The following LNX1 variants were observed in gnomAD, a reference collection of about 807,000 sequenced individuals.
The protein encoded by LNX1 is ligand of numb-protein X 1.
In LNX1, 54 loss-of-function variants were observed where a neutral mutation model predicts 68.4. The observed-to-expected ratio is 0.79, with a 90% confidence interval of 0.63 to 0.99. The LOEUF is 0.99. LNX1 is among the 50% of genes least tolerant of loss of function. The pLI, the probability that LNX1 is intolerant of heterozygous loss-of-function variation, is 0.00. For missense variants in LNX1, 906 were observed against 926.4 expected (o/e 0.98, Z 0.29); for synonymous variants, 336 against 350.0 (o/e 0.96, Z 0.45).
intron 6 of LNX1, among the ~76,000 whole-genome samples, chr4:53,485,918 C>A (rs1448744139): frequency 6.6e-6 from 1 of 152,166 alleles, no homozygotes; most frequent in Non-Finnish European, 1.5e-5. Context: ...TTCCAGCAAG[C>A]AAGGAATAGC....
chr4:53,549,340 A>AT (rs1433340664), intron 2 of LNX1: 1 of 151,690 alleles, frequency 6.6e-6, no homozygotes, highest in African/African-American at 2.4e-5. Context: ...CCATTGTTCT[A>AT]TTTTTCTCTT....
intron 9 of LNX1, among the ~76,000 whole-genome samples, chr4:53,468,878 C>T (rs539591336): frequency 1.2e-4 from 18 of 152,286 alleles, no homozygotes; most frequent in African/African-American, 4.3e-4. Flanking sequence ...TAGACTCCCA[C>T]ACAATAATAA....
At chr4:53,648,598 T>C (rs1423962209) in intron 1 of LNX1, among the ~76,000 whole-genome samples, 1 of 152,200 alleles carries the variant, frequency 6.6e-6, no homozygotes, top group East Asian at 1.9e-4. Context: ...GCCCAGACAT[T>C]TTTTATTTTG....
chr4:53,460,403 T>TA lies in LNX1; in HGVS notation c.*503dup. On this transcript the variant is annotated 3_prime_UTR_variant, in exon 11 of 11. Coordinates refer to ENST00000263925, the MANE Select transcript of LNX1 (RefSeq NM_001126328.3). Reference sequence around the variant, plus strand: ...GAATAAATTACTAGGATCTTTTAAATAGTGATAATACAAAAGTAATCTTAA... The same window carrying TA: ...GAATAAATTACTAGGATCTTTTAAATAAGTGATAATACAAAAGTAATCTTAA... 1 of 189,082 alleles carries TA rather than the reference T, an allele frequency of 5.3e-6. No individual in the cohort carries two copies. The highest frequency in any genetic ancestry group is 1.9e-4 in the South Asian group (1 of 5,142). The allele number at this position is 189,082 out of a possible 1,614,324, so 11.7% of individuals were successfully genotyped here. A position where few individuals can be genotyped will look rare whatever the true frequency, so the allele number is the denominator to read the frequency against.
At position 53,491,622 on chromosome 4, in the gene LNX1, C is replaced by A. The variant is rs183442035; in HGVS notation, c.1350+4401G>T. 3.9e-5 allele frequency among the ~76,000 whole-genome samples: 6 copies of A among 152,052 alleles called. No individual in the cohort carries two copies. In the East Asian group the frequency reaches 1.2e-3, roughly 29 times the overall value. On this transcript the variant is annotated intron_variant, in intron 6 of 10. Coordinates refer to ENST00000263925, the MANE Select transcript of LNX1 (RefSeq NM_001126328.3). ...ATGGCACATGAAAGCAGATTTGGTGCTTCTTTGGTAAATGGTTTGATAACC... is the reference window on the plus strand; with the variant it reads ...ATGGCACATGAAAGCAGATTTGGTGATTCTTTGGTAAATGGTTTGATAACC...
At chr4:53,601,810 A>G (rs925395598) in intron 2 of LNX1, among the ~76,000 whole-genome samples, 6 of 152,066 alleles carry the variant, frequency 3.9e-5, no homozygotes, top group African/African-American at 1.2e-4. Flanking sequence ...GGAATAAGGA[A>G]CCACATGCCA....
At position 53,470,987 on chromosome 4, in the gene LNX1, C is replaced by A. The variant is rs555348733; in HGVS notation, c.1892+5766G>T. ...ACTTTCTTCACAGAATTGGAAAAAA[C>A]TACTTTAAAGTTCATATGGAACCAA... On this transcript the variant is annotated intron_variant, in intron 9 of 10. Transcript: ENST00000263925. Among the ~76,000 whole-genome samples the A allele has an allele frequency of 6.1e-5, 9 of 148,286 alleles. No homozygotes were observed. The East Asian group carries it at 1.6e-3, about 26-fold the overall frequency.
intron 1 of LNX1, among the ~76,000 whole-genome samples, chr4:53,626,569 T>A (rs973574201): frequency 6.6e-5 from 10 of 152,198 alleles, no homozygotes; most frequent in African/African-American, 2.4e-4. Flanking sequence ...CTGGCTTCAG[T>A]GTAGAGAACA....
chr4:53,617,673 A>G (rs180707320), upstream of LNX1, among the ~76,000 whole-genome samples: 5 of 152,320 alleles, frequency 3.3e-5, no homozygotes, highest in East Asian at 1.9e-4. Context: ...TGTGCACTGT[A>G]AATGTCTCTC....
At chr4:53,586,358 T>C (rs1391021049) in intron 1 of LNX1, among the ~76,000 whole-genome samples, 2 of 152,234 alleles carry the variant, frequency 1.3e-5, no homozygotes, top group Non-Finnish European at 1.5e-5. Context: ...TCTCAGCAGA[T>C]AGCAATGACA....
chr4:53,489,088 T>C (rs1253608628), intron 6 of LNX1, among the ~76,000 whole-genome samples: 8 of 152,202 alleles, frequency 5.3e-5, no homozygotes, highest in Admixed American at 4.6e-4. Context: ...TGTTTGCCAT[T>C]GAAACTTTGG....
chr4:53,573,391 C>G (rs1731283300), intron 2 of LNX1, among the ~76,000 whole-genome samples: 1 of 152,146 alleles, frequency 6.6e-6, no homozygotes, highest in Non-Finnish European at 1.5e-5. Context: ...AAATGGTAAA[C>G]TTTATGTTAC....
intron 6 of LNX1, among the ~76,000 whole-genome samples, chr4:53,486,748 G>A (rs555905048): frequency 1.4e-3 from 214 of 152,264 alleles, no homozygotes; most frequent in Non-Finnish European, 2.2e-3. Context: ...GCTTTCTGTC[G>A]TTTTGTTTAA....
At chr4:53,648,752 A>T (rs1447907682) in intron 1 of LNX1, among the ~76,000 whole-genome samples, 1 of 152,212 alleles carries the variant, frequency 6.6e-6, no homozygotes, top group African/African-American at 2.4e-5. Flanking sequence ...TCCTATGGCA[A>T]ATAGACTTTC....
At chr4:53,478,103 C>T (rs1723679451) in intron 8 of LNX1, among the ~76,000 whole-genome samples, 1 of 152,156 alleles carries the variant, frequency 6.6e-6, no homozygotes, top group South Asian at 2.1e-4. Flanking sequence ...ATAATTTTCA[C>T]TCTGGGAAAG....
chr4:53,507,892 A>C lies in LNX1; in HGVS notation c.622+94T>G, dbSNP rs138951645. The C allele has an allele frequency of 1.6e-3, 2,385 of 1,475,356 alleles. 35 individuals carry two copies. The African/African-American group carries it at 0.029, about 18-fold the overall frequency. The allele number at this position is 1,475,356 out of a possible 1,614,324, so 91.4% of individuals were successfully genotyped here. ...AAACTACCAGAACGATTTCCCCTTA[A>C]AAAACATTTACAGAACTTTCCACAG... On this transcript the variant is annotated intron_variant, in intron 3 of 10. Coordinates refer to ENST00000263925, the MANE Select transcript of LNX1 (RefSeq NM_001126328.3).
chr4:53,632,903 C>G (rs532328961), intron 1 of LNX1, among the ~76,000 whole-genome samples: 4 of 152,224 alleles, frequency 2.6e-5, no homozygotes, highest in Non-Finnish European at 4.4e-5. Flanking sequence ...TACTCCCCTC[C>G]TCCTGATTAC....
At chr4:53,649,112 C>A (rs28688817) in intron 1 of LNX1, among the ~76,000 whole-genome samples, 2,369 of 152,276 alleles carry the variant, frequency 0.016, 78 homozygotes, top group African/African-American at 0.054. Flanking sequence ...TCTGATTTTA[C>A]TCAAGATAAC....
chr4:53,507,257 C>T (rs1384488510), intron 4 of LNX1, 60 bp downstream of exon 4: 1 of 1,563,822 alleles, frequency 6.4e-7, no homozygotes. Context: ...TTGCGTCATC[C>T]CTGAAGTCCC....
Sources: allele counts gnomAD v4.1 joint callset (sites outside exome capture counted in the v4.1 genomes callset), GRCh38; gene constraint gnomAD v4.1.1; transcripts MANE v1.5; gene names NCBI Gene and HGNC (gene_info 2026-07-23, HGNC 2026-07-21).